CREB3L1: variants seen among roughly 807,000 people sequenced by gnomAD.
The protein encoded by CREB3L1 is cyclic AMP-responsive element-binding protein 3-like protein 1.
Under a neutral mutation model 54.5 loss-of-function variants are expected in CREB3L1, and 33 were observed. The observed-to-expected ratio is 0.61, with a 90% CI of 0.46 to 0.81. The LOEUF is 0.81. CREB3L1 is among the 30% of genes least tolerant of loss of function. CREB3L1 has a pLI of 0.00. For synonymous variants in CREB3L1, 284 were observed against 286.4 expected, an observed-to-expected ratio of 0.99 and a Z score of 0.08; for missense variants, 656 against 673.3, an observed-to-expected ratio of 0.97 and a Z score of 0.29.
chr11:46,304,411 C>T (rs181896746), intron 2 of CREB3L1, among the ~76,000 whole-genome samples: 298 of 152,122 alleles, frequency 2.0e-3, no homozygotes, highest in Non-Finnish European at 3.3e-3. Context: ...GCAGAGGTTG[C>T]GGTGAACTGA....
At chr11:46,299,331 T>G (rs918963127) in intron 1 of CREB3L1, among the ~76,000 whole-genome samples, 1 of 152,070 alleles carries the variant, frequency 6.6e-6, no homozygotes. Context: ...AAGGATGGCT[T>G]GGGAAAGGAG....
chr11:46,292,247 G>A (rs1445802443), intron 1 of CREB3L1, among the ~76,000 whole-genome samples: 1 of 152,192 alleles, frequency 6.6e-6, no homozygotes, highest in Non-Finnish European at 1.5e-5. Flanking sequence ...CAAACACATG[G>A]AAACTCTGCC....
intron 1 of CREB3L1, among the ~76,000 whole-genome samples, chr11:46,293,397 G>A (rs1445820340): frequency 6.6e-6 from 1 of 152,228 alleles, no homozygotes; most frequent in East Asian, 1.9e-4. Context: ...TGGGCTGCCT[G>A]GTAAGAAGAT....
At position 46,320,247 on chromosome 11, in the gene CREB3L1, C is replaced by T; in HGVS notation, c.1259-17C>T. ...GGGAATCTTGGGCACACCGCTCATC[C>T]TACACTCCCTCTCCAGTGCCCTCCC... On this transcript the variant is annotated splice_polypyrimidine_tract_variant and intron_variant, in intron 10 of 11. Transcript: ENST00000621158. 1 of 1,577,794 alleles carries T rather than the reference C, an allele frequency of 6.3e-7. No homozygotes were observed. Among genetic ancestry groups the T allele is most frequent in the Non-Finnish European group, 8.6e-7 (1 of 1,161,814 alleles).
intron 2 of CREB3L1, among the ~76,000 whole-genome samples, chr11:46,307,031 G>A (rs185285644): frequency 3.1e-4 from 47 of 151,936 alleles, no homozygotes; most frequent in Non-Finnish European, 5.0e-4. Flanking sequence ...GGCACGTGCC[G>A]CCACAACTGG....
intron 2 of CREB3L1, among the ~76,000 whole-genome samples, chr11:46,301,875 C>G (rs1284593078): frequency 6.6e-6 from 1 of 151,678 alleles, no homozygotes; most frequent in Non-Finnish European, 1.5e-5. Context: ...CACTTGAACA[C>G]AGGAGGCAGA....
At chr11:46,315,321 A>G (rs1188696335) in intron 8 of CREB3L1, 1 of 216,044 alleles carries the variant, frequency 4.6e-6, no homozygotes, top group Non-Finnish European at 9.4e-6. Flanking sequence ...CACCTGCTGT[A>G]CATTGTGGGA....
At chr11:46,316,882 G>A (rs763897984) in intron 9 of CREB3L1, among the ~76,000 whole-genome samples, 10 of 152,196 alleles carry the variant, frequency 6.6e-5, no homozygotes, top group South Asian at 2.1e-4. Flanking sequence ...AGCATGCCCC[G>A]GCCCTCCGAG....
chr11:46,314,490 C>G lies in CREB3L1; in HGVS notation c.1031+1571C>G, dbSNP rs576420245. Reference sequence around the variant, plus strand: ...CAGCCTCAAACTCCTGATTCTCCCCCCTCAACCTCCTAAGTAGCTAGGACC... The same window carrying G: ...CAGCCTCAAACTCCTGATTCTCCCCGCTCAACCTCCTAAGTAGCTAGGACC... On this transcript the variant is annotated intron_variant, in intron 8 of 11. Coordinates refer to ENST00000621158, the MANE Select transcript of CREB3L1 (RefSeq NM_052854.4). Among the ~76,000 whole-genome samples, 11 of 151,946 alleles carry G rather than the reference C, an allele frequency of 7.2e-5. No homozygotes were observed. In the East Asian group the frequency reaches 1.7e-3, roughly 24 times the overall value.
intron 1 of CREB3L1, among the ~76,000 whole-genome samples, chr11:46,280,157 A>ACTTTT (rs751706630): frequency 6.7e-6 from 1 of 148,684 alleles, no homozygotes; most frequent in African/African-American, 2.5e-5. Flanking sequence ...CAGAAAAGTG[A>ACTTTT]CTTTTCTTTT....
At chr11:46,286,998 C>T (rs7127254) in intron 1 of CREB3L1, among the ~76,000 whole-genome samples, 53,052 of 151,950 alleles carry the variant, frequency 0.35, 11,332 homozygotes, top group African/African-American at 0.61. Flanking sequence ...CCAGGCTCAA[C>T]GTGTGCAGAC....
Position 46,278,330 on chromosome 11 carries a change from A to G in CREB3L1, c.102+117A>G. 3.3e-6 allele frequency: 2 copies of G among 609,122 alleles called. No individual in the cohort carries two copies. The highest frequency in any genetic ancestry group is 4.3e-5 in the South Asian group (2 of 46,930). The allele number at this position is 609,122 out of a possible 1,614,324, so 37.7% of individuals were successfully genotyped here. A position where few individuals can be genotyped will look rare whatever the true frequency, so the allele number is the denominator to read the frequency against. The stretch of plus-strand genomic sequence containing the variant: ...TGGGCAGGAGCCGGGGAGAGGGTTC[A>G]GCGCAGGGTCTCCAGGAGCGACATG... On this transcript the variant is annotated intron_variant, in intron 1 of 11. Coordinates refer to ENST00000621158, the MANE Select transcript of CREB3L1 (RefSeq NM_052854.4). The surrounding 1 kb of genome is among the most constrained non-coding windows in gnomAD (Gnocchi z 4.2).
chr11:46,307,939 C>T lies in CREB3L1; in HGVS notation c.455C>T (p.Ala152Val), dbSNP rs754847184. 3.8e-6 allele frequency: 6 copies of T among 1,564,662 alleles called. No individual in the cohort carries two copies. The highest frequency in any genetic ancestry group is 1.4e-5 in the African/African-American group (1 of 72,962). The change falls in exon 3 of 12, where the codon GCC becomes GTC. Residue 152 changes from alanine to valine, a missense_variant. Physicochemically the swap from Ala to Val is moderately conservative, Grantham distance 64. Transcript: ENST00000621158. Reference protein sequence around the residue: ...AAPSAMAAAAAMATTPLLGLS... With the variant: ...AAPSAMAAAAVMATTPLLGLS... ...CCCTCGGCCATGGCTGCCGCGGCCG[C>T]CATGGCCACCACCCCGCTGCTGGGC...
At chr11:46,312,560 G>A (rs577413950) in intron 6 of CREB3L1, 52 bp from the exon 7 acceptor site, 3 of 1,607,902 alleles carry the variant, frequency 1.9e-6, no homozygotes, top group African/African-American at 2.7e-5. Context: ...GGGGGGCCCA[G>A]GAAGTGAATA....
chr11:46,317,534 G>T (rs1392427824), intron 10 of CREB3L1, 47 bp downstream of exon 10: 2 of 1,596,422 alleles, frequency 1.3e-6, no homozygotes, highest in African/African-American at 1.3e-5. Flanking sequence ...AGGCTGCCCT[G>T]CCCCAGCCCC....
At position 46,285,193 on chromosome 11, in the gene CREB3L1, G is replaced by A. The variant is rs113730036; in HGVS notation, c.102+6980G>A. On this transcript the variant is annotated intron_variant, in intron 1 of 11. Coordinates refer to ENST00000621158, the MANE Select transcript of CREB3L1 (RefSeq NM_052854.4). ...TGTGCCTCGTGCGAGTCCTGGTACC[G>A]AGGCCCTCCTGGAGCATCTCTCTCT... Among the ~76,000 whole-genome samples, 280 of 152,266 alleles carry A rather than the reference G, an allele frequency of 1.8e-3. 2 individuals carry two copies. Among genetic ancestry groups the A allele is most frequent in the African/African-American group, 6.3e-3 (261 of 41,544 alleles).
intron 5 of CREB3L1, 40 bp downstream of exon 5, chr11:46,311,229 T>C: frequency 1.3e-6 from 2 of 1,495,650 alleles, no homozygotes; most frequent in Middle Eastern, 1.8e-4. Flanking sequence ...AAATGAGGAA[T>C]TGAATACATC....
chr11:46,296,493 G>A, intron 1 of CREB3L1, among the ~76,000 whole-genome samples: 1 of 152,230 alleles, frequency 6.6e-6, no homozygotes, highest in East Asian at 1.9e-4. Flanking sequence ...AGGGGCAGGG[G>A]ACCGTCGGGG....
Position 46,310,840 on chromosome 11 carries a change from T to A in CREB3L1, c.596-192T>A, listed in dbSNP as rs116102193. On this transcript the variant is annotated intron_variant, in intron 4 of 11. Coordinates refer to ENST00000621158, the MANE Select transcript of CREB3L1 (RefSeq NM_052854.4). ...TGTCAGATGAGGCAGCACCCAGGAA[T>A]TGGCTACCCAGATGTCAACTGTCTT... 3.3e-4 allele frequency: 245 copies of A among 731,756 alleles called. 2 individuals are homozygous for A. In the African/African-American group the frequency reaches 4.4e-3, roughly 13 times the overall value. The allele number at this position is 731,756 out of a possible 1,614,324, so 45.3% of individuals were successfully genotyped here. A position where few individuals can be genotyped will look rare whatever the true frequency, so the allele number is the denominator to read the frequency against.
Sources: gnomAD v4.1 joint callset for allele counts (sites outside exome capture counted in the v4.1 genomes callset) on GRCh38, gnomAD v4.1.1 for gene constraint, Gnocchi (gnomAD v3.1) non-coding constraint, MANE v1.5 for transcripts, NCBI Gene and HGNC (gene_info 2026-07-23, HGNC 2026-07-21) for gene names.